Variants in PKD1L1 observed in about 807,000 individuals in gnomAD.
The protein encoded by PKD1L1 is polycystin 1 like 1, transient receptor potential channel interacting.
PKD1L1 carries 236 observed loss-of-function variants against 323.4 expected under a neutral mutation model. The observed-to-expected ratio is 0.73, with a 90% CI of 0.66 to 0.81. The LOEUF (loss-of-function observed/expected upper bound fraction) is 0.81, where lower values mean the gene tolerates loss of function less well. Among genes scored for constraint, PKD1L1 ranks in the 40% least tolerant of loss-of-function variants. The probability of loss-of-function intolerance (pLI) is 0.00; values close to 1 mark genes in which losing one functional copy is unlikely to be tolerated. For synonymous variants in PKD1L1, 1,344 were observed against 1,335.0 expected, an observed-to-expected ratio of 1.01 and a Z score of -0.15; for missense variants, 3,320 against 3,508.0, an observed-to-expected ratio of 0.95 and a Z score of 1.35.
rs2128759853 is a variant in PKD1L1, at chr7:47,946,282, T to C, written c.44+2115A>G. On this transcript the variant is annotated intron_variant, in intron 1 of 56. Transcript: ENST00000289672. The surrounding 1 kb of genome is among the most constrained non-coding windows in gnomAD (Gnocchi z 4.1). ...CAGATCTCTTAGAATCCCTTAAGAG[T>C]GAGTGTTTTTCGGGGCCTGTCAGGG... Among the ~76,000 whole-genome samples the C allele has an allele frequency of 6.6e-6, 1 of 151,696 alleles. No homozygotes were observed. Among genetic ancestry groups the C allele is most frequent in the Non-Finnish European group, 1.5e-5 (1 of 67,938 alleles).
chr7:47,791,177 T>C (rs989393136), intron 56 of PKD1L1, among the ~76,000 whole-genome samples: 3 of 152,156 alleles, frequency 2.0e-5, no homozygotes, highest in African/African-American at 7.2e-5. Flanking sequence ...TTTTCTGGGC[T>C]TTTTTAGGGG....
Position 47,930,130 on chromosome 7 carries a change from A to G in PKD1L1, c.738-604T>C, listed in dbSNP as rs189115292. The stretch of plus-strand genomic sequence containing the variant: ...TATGGTGTTGGTACCATTACGTGGC[A>G]TAAACGAAAGATTAAAGAAAGCAGG... On this transcript the variant is annotated intron_variant, in intron 6 of 56. Coordinates refer to ENST00000289672, the MANE Select transcript of PKD1L1 (RefSeq NM_138295.5). Among the ~76,000 whole-genome samples, 49 of 152,330 alleles carry G rather than the reference A, an allele frequency of 3.2e-4. 1 individual carries two copies. Among genetic ancestry groups the G allele is most frequent in the Non-Finnish European group, 4.0e-4 (27 of 68,040 alleles).
intron 8 of PKD1L1, among the ~76,000 whole-genome samples, chr7:47,911,411 A>G (rs937509443): frequency 6.6e-6 from 1 of 152,234 alleles, no homozygotes; most frequent in Non-Finnish European, 1.5e-5. Context: ...CCTAGTTTGA[A>G]GTATTTCTTT....
At position 47,905,345 on chromosome 7, in the gene PKD1L1, G is replaced by A. The variant is rs781243484; in HGVS notation, c.1523-20C>T. ...AGACGGCTGTGGCAAAAGAAAGGAA[G>A]GTATGTCTATGTCAACATAGGAGGG... On this transcript the variant is annotated intron_variant, in intron 10 of 56. Transcript: ENST00000289672. 56 of 1,611,302 alleles carry A rather than the reference G, an allele frequency of 3.5e-5. No homozygotes were observed. In the Admixed American group the frequency reaches 8.2e-4, roughly 24 times the overall value.
upstream of PKD1L1, among the ~76,000 whole-genome samples, chr7:47,952,308 C>T (rs1487035362): frequency 6.6e-6 from 1 of 152,166 alleles, no homozygotes; most frequent in Non-Finnish European, 1.5e-5. Flanking sequence ...TGCGATCAGC[C>T]CCCTCCACCC....
At chr7:47,831,451 G>A in intron 41 of PKD1L1, 99 bp from the exon 42 acceptor site, 1 of 1,440,274 alleles carries the variant, frequency 6.9e-7, no homozygotes, top group Non-Finnish European at 9.3e-7. Context: ...ACTAGGCTGG[G>A]TCGTAGGGTG....
chr7:47,915,890 C>T (rs1787419914), intron 7 of PKD1L1, among the ~76,000 whole-genome samples: 1 of 151,978 alleles, frequency 6.6e-6, no homozygotes, highest in Non-Finnish European at 1.5e-5. Flanking sequence ...CTTGAAAGAA[C>T]TAACTAGTGG....
chr7:47,822,613 A>C (rs796679118), intron 45 of PKD1L1, among the ~76,000 whole-genome samples: 105 of 151,384 alleles, frequency 6.9e-4, no homozygotes, highest in African/African-American at 2.3e-3. Flanking sequence ...AAAAAAAAAA[A>C]AAAAAACAGC....
intron 26 of PKD1L1, among the ~76,000 whole-genome samples, chr7:47,861,433 G>C (rs1786020336): frequency 6.6e-6 from 1 of 152,170 alleles, no homozygotes; most frequent in South Asian, 2.1e-4. Flanking sequence ...TTTTCCAGGG[G>C]AAGAAGTAAC....
chr7:47,910,826 T>TTGTGTGTGTG (rs60550498), intron 8 of PKD1L1, among the ~76,000 whole-genome samples: 27,382 of 125,868 alleles, frequency 0.22, 3,265 homozygotes, highest in East Asian at 0.34. Context: ...CCAGCTGATT[T>TTGTGTGTGTG]TGTGTGTGTG....
chr7:47,921,387 ATAG>A (rs1311545819), intron 7 of PKD1L1, among the ~76,000 whole-genome samples: 1 of 152,204 alleles, frequency 6.6e-6, no homozygotes, highest in Non-Finnish European at 1.5e-5. Flanking sequence ...AAATAAAAAA[ATAG>A]TAGATGTTGG....
intron 56 of PKD1L1, among the ~76,000 whole-genome samples, chr7:47,790,391 C>T (rs993515207): frequency 1.3e-5 from 2 of 150,558 alleles, no homozygotes; most frequent in Non-Finnish European, 3.0e-5. Flanking sequence ...GGTGCAGTGG[C>T]ACAATCTCGG....
At position 47,873,956 on chromosome 7, in the gene PKD1L1, G is replaced by T; in HGVS notation, c.3839C>A (p.Thr1280Asn). ...DGKGSKVQPC[T>N]VVVTVLPRYH... ...GCGGGGCAGCACAGTCACCACCACA[G>T]TGCACGGCTGGACCTTGGAGCCTTT... Residue 1280 changes from threonine (T) to asparagine (N), a missense_variant, in exon 24 of 57, where the codon ACT (threonine) becomes AAT (asparagine). Physicochemically the swap from Thr to Asn is moderately conservative, Grantham distance 65. Transcript: ENST00000289672. 6.2e-7 allele frequency: 1 copy of T among 1,614,082 alleles called. No individual in the cohort carries two copies. Among genetic ancestry groups the T allele is most frequent in the Non-Finnish European group, 8.5e-7 (1 of 1,180,006 alleles).
intron 32 of PKD1L1, among the ~76,000 whole-genome samples, chr7:47,845,526 A>G (rs980307865): frequency 6.6e-6 from 1 of 152,230 alleles, no homozygotes; most frequent in Non-Finnish European, 1.5e-5. Flanking sequence ...TTTTAAAAAT[A>G]AAGTCTATCT....
intron 13 of PKD1L1, among the ~76,000 whole-genome samples, chr7:47,899,727 T>A (rs569272970): frequency 6.6e-6 from 1 of 151,828 alleles, no homozygotes; most frequent in Non-Finnish European, 1.5e-5. Context: ...GAGGCCAAGG[T>A]GGGCGGATCA....
chr7:47,883,271 C>G (rs183610380), intron 19 of PKD1L1, among the ~76,000 whole-genome samples: 1 of 152,310 alleles, frequency 6.6e-6, no homozygotes, highest in East Asian at 1.9e-4. Flanking sequence ...CTAGCCAACT[C>G]TTAGAGATTA....
chr7:47,881,778 C>T (rs952879056), intron 20 of PKD1L1, 131 bp downstream of exon 20: 1 of 891,614 alleles, frequency 1.1e-6, no homozygotes, highest in Non-Finnish European at 1.7e-6. Context: ...GAAGAACAAG[C>T]ACAAGTAGAA....
intron 2 of PKD1L1, among the ~76,000 whole-genome samples, chr7:47,940,967 T>G (rs528619283): frequency 6.6e-6 from 1 of 152,162 alleles, no homozygotes; most frequent in South Asian, 2.1e-4. Context: ...GGTCCTTGAG[T>G]GTTTGTGATG....
chr7:47,831,073 G>A (rs573364072), intron 42 of PKD1L1, 144 bp downstream of exon 42: 2 of 1,161,874 alleles, frequency 1.7e-6, no homozygotes, highest in Admixed American at 4.6e-5. Context: ...CCCAGGAGAT[G>A]GGAGGGAGAA....
Sources: allele counts gnomAD v4.1 joint callset (sites outside exome capture counted in the v4.1 genomes callset), GRCh38; gene constraint gnomAD v4.1.1; non-coding constraint Gnocchi (gnomAD v3.1); transcripts MANE v1.5; gene names NCBI Gene and HGNC (gene_info 2026-07-23, HGNC 2026-07-21).